The following SACS variants were observed in gnomAD, a reference collection of about 807,000 sequenced individuals.
SACS encodes the protein sacsin.
Under a neutral mutation model 348.0 loss-of-function variants are expected in SACS, and 197 were observed. That is an observed-to-expected ratio of 0.57 (90% CI 0.50 to 0.64). The LOEUF is 0.64. Ranked by LOEUF, SACS falls within the 30% of genes least tolerant of loss-of-function variation. The probability of loss-of-function intolerance (pLI) is 0.00; values close to 1 mark genes in which losing one functional copy is unlikely to be tolerated. For missense variants in SACS, 4,999 were observed against 5,360.8 expected (o/e 0.93, Z 2.11); for synonymous variants, 1,985 against 1,910.6 (o/e 1.04, Z -1.02).
In SACS at chr13:23,355,658, T is replaced by A. The variant is rs147412202; in HGVS notation, c.954A>T (p.Leu318Phe). ...LFLKSVQDVS[L>F]YVREADGTEK... ...CTGTTCCGTCAGCCTCTCGGACATA[T>A]AAGGAAACATCCTGCACACTTTTCA... The change falls in exon 8 of 10, where the codon TTA (leucine) becomes TTT (phenylalanine). Residue 318 changes from leucine to phenylalanine, a missense_variant. Transcript: ENST00000382292. The A allele has an allele frequency of 5.5e-5, 88 of 1,614,182 alleles. 3 individuals are homozygous for A. The highest frequency in any genetic ancestry group is 2.2e-4 in the Admixed American group (13 of 60,018).
rs753140531 is a variant in SACS, at chr13:23,337,102, T to G, written c.6774A>C (p.Gln2258His). The G allele has an allele frequency of 1.2e-6, 2 of 1,614,028 alleles. No individual in the cohort carries two copies. Among genetic ancestry groups the G allele is most frequent in the Non-Finnish European group, 1.7e-6 (2 of 1,179,920 alleles). The stretch of plus-strand genomic sequence containing the variant: ...AATGGGAATTTTCATTTAGAATTGG[T>G]TGCAAAAGACAAACTATATCTTGAT... ...AEHQDIVCLL[Q>H]PILNENSHSF... The change falls in exon 10 of 10, where the codon CAA (glutamine) becomes CAC (histidine). Residue 2258 changes from glutamine to histidine, a missense_variant. Physicochemically the swap from Gln to His is conservative, Grantham distance 24. This residue lies in a region of SACS where 3,156 missense variants were observed against 3,380.1 expected (regional missense o/e 0.93). Coordinates refer to ENST00000382292, the MANE Select transcript of SACS (RefSeq NM_014363.6).
chr13:23,429,463 C>G (rs9580620), intron 1 of SACS, among the ~76,000 whole-genome samples: 9,874 of 145,558 alleles, frequency 0.068, 421 homozygotes, highest in Middle Eastern at 0.14. Context: ...CCCGGGTTCA[C>G]GCCATTCTCC....
At chr13:23,387,404 G>A (rs544232070) in intron 2 of SACS, among the ~76,000 whole-genome samples, 1 of 146,662 alleles carries the variant, frequency 6.8e-6, no homozygotes, top group South Asian at 2.2e-4. Context: ...GGAGCTTGCA[G>A]TGAGCAGAGA....
Position 23,368,411 on chromosome 13 carries a change from C to T in SACS, c.336G>A (p.Gln112=), listed in dbSNP as rs1365075230. The T allele has an allele frequency of 6.2e-7, 1 of 1,610,268 alleles. No individual in the cohort carries two copies. The highest frequency in any genetic ancestry group is 8.5e-7 in the Non-Finnish European group (1 of 1,177,280). ...ACGACATGTGCCCCACCTTAAGAAT[C>T]TGTCCTCCTTCTGGATATCTTCTCA... ...DILRRYPEGG[Q]ILKELIQNAE... Residue 112 remains glutamine, a synonymous_variant, in exon 5 of 10, where the codon CAG becomes CAA. Transcript: ENST00000382292.
chr13:23,412,711 C>T (rs960948534), intron 1 of SACS, among the ~76,000 whole-genome samples: 8 of 152,074 alleles, frequency 5.3e-5, no homozygotes, highest in African/African-American at 1.7e-4. Flanking sequence ...CCACTGCACC[C>T]GACCCAAACC....
rs201622556 is a variant in SACS at position 23,333,084 on chromosome 13, G to T, written c.10792C>A (p.Gln3598Lys). ...TCCTTAGCAAACTGTAACAACTGCT[G>T]CTGAGAAAGTATGTATTTTAGTCCA... ...NIGLKYILSQ[Q>K]QLLQFAKEIS... Residue 3598 changes from glutamine (Q) to lysine (K), a missense_variant, in exon 10 of 10, where the codon CAG becomes AAG. By Grantham distance (53) the Gln-to-Lys change is moderately conservative. Transcript: ENST00000382292. 5.1e-5 allele frequency: 82 copies of T among 1,613,738 alleles called. No homozygotes were observed. Among genetic ancestry groups the T allele is most frequent in the Non-Finnish European group, 1.7e-5 (20 of 1,179,822 alleles).
chr13:23,410,525 A>G (rs1270484732), intron 2 of SACS, among the ~76,000 whole-genome samples: 1 of 152,246 alleles, frequency 6.6e-6, no homozygotes, highest in African/African-American at 2.4e-5. Flanking sequence ...TTAGGTTACA[A>G]GATGTGAAGA....
At position 23,336,081 on chromosome 13, in the gene SACS, C is replaced by G. The variant is rs1868563918; in HGVS notation, c.7795G>C (p.Asp2599His). ...AGATTCTGAATTCCTCTAACATCATCTTCTGTAAATGGCTGGTTGTTGTAC... is the reference window on the plus strand; with the variant it reads ...AGATTCTGAATTCCTCTAACATCATGTTCTGTAAATGGCTGGTTGTTGTAC... ...CVYNNQPFTE[D>H]DVRGIQNLGK... is the part of the protein sequence containing the mutation. The change falls in exon 10 of 10, where the codon GAT becomes CAT. Residue 2599 changes from aspartate to histidine, a missense_variant. Physicochemically the swap from Asp to His is moderately conservative, Grantham distance 81. Coordinates refer to ENST00000382292, the MANE Select transcript of SACS (RefSeq NM_014363.6). The G allele has an allele frequency of 6.2e-7, 1 of 1,611,628 alleles. No homozygotes were observed. Among genetic ancestry groups the G allele is most frequent in the Middle Eastern group, 1.7e-4 (1 of 6,046 alleles).
chr13:23,426,966 G>A (rs1758260067), intron 1 of SACS: 1 of 152,078 alleles, frequency 6.6e-6, no homozygotes, highest in Non-Finnish European at 1.5e-5. Context: ...TTTCTTTTCA[G>A]AAGAGGAACG....
At chr13:23,371,922 T>C (rs1285073432) in intron 3 of SACS, among the ~76,000 whole-genome samples, 1 of 152,226 alleles carries the variant, frequency 6.6e-6, no homozygotes, top group Non-Finnish European at 1.5e-5. Flanking sequence ...TCATCATAAA[T>C]GATCATTCTA....
At chr13:23,350,600 C>G (rs565477950) in intron 9 of SACS, among the ~76,000 whole-genome samples, 1 of 152,306 alleles carries the variant, frequency 6.6e-6, no homozygotes, top group African/African-American at 2.4e-5. Context: ...TGCAGTAGTA[C>G]TTCCAAGACT....
At chr13:23,374,694 A>G (rs1434594118) in intron 3 of SACS, among the ~76,000 whole-genome samples, 1 of 152,226 alleles carries the variant, frequency 6.6e-6, no homozygotes, top group Non-Finnish European at 1.5e-5. Context: ...TTATGTCTAA[A>G]GATTCTTTCA....
At chr13:23,344,803 T>G (rs1400370776) in intron 9 of SACS, among the ~76,000 whole-genome samples, 1 of 152,240 alleles carries the variant, frequency 6.6e-6, no homozygotes, top group African/African-American at 2.4e-5. Flanking sequence ...TAGAAGGAAC[T>G]CTTCCAAGAG....
In SACS at chr13:23,338,511, G is replaced by C; in HGVS notation, c.5365C>G (p.Pro1789Ala). The C allele has an allele frequency of 6.2e-7, 1 of 1,614,064 alleles. No individual in the cohort carries two copies. The highest frequency in any genetic ancestry group is 8.5e-7 in the Non-Finnish European group (1 of 1,179,972). Residue 1789 changes from proline (P) to alanine (A), a missense_variant, in exon 10 of 10, where the codon CCA (proline) becomes GCA (alanine). By Grantham distance (27) the Pro-to-Ala change is conservative. This residue lies in a region of SACS where 3,156 missense variants were observed against 3,380.1 expected (regional missense o/e 0.93). Coordinates refer to ENST00000382292, the MANE Select transcript of SACS (RefSeq NM_014363.6). ...SPLFRGPDDD[P>A]AALFEMAKSG... Reference sequence around the variant, plus strand: ...TTAGCCATTTCAAAGAGAGCAGCTGGGTCATCATCTGGACCTCTAAAAAGT... The same window carrying C: ...TTAGCCATTTCAAAGAGAGCAGCTGCGTCATCATCTGGACCTCTAAAAAGT...
intron 6 of SACS, among the ~76,000 whole-genome samples, chr13:23,363,871 G>A (rs1870900562): frequency 6.6e-6 from 1 of 152,164 alleles, no homozygotes; most frequent in Non-Finnish European, 1.5e-5. Context: ...CAGTACAATG[G>A]GGTAGTACTG....
chr13:23,366,301 G>A (rs1181264910), intron 5 of SACS, among the ~76,000 whole-genome samples: 3 of 152,198 alleles, frequency 2.0e-5, no homozygotes, highest in African/African-American at 7.2e-5. Flanking sequence ...TTCTGAGATT[G>A]TGCTCAGTTC....
chr13:23,390,789 G>C (rs1872501774), intron 2 of SACS, among the ~76,000 whole-genome samples: 1 of 152,188 alleles, frequency 6.6e-6, no homozygotes, highest in African/African-American at 2.4e-5. Flanking sequence ...GCCATCCCTC[G>C]TCGTGTCTAA....
chr13:23,384,636 C>T (rs1045826583), intron 2 of SACS, among the ~76,000 whole-genome samples: 1 of 152,084 alleles, frequency 6.6e-6, no homozygotes, highest in African/African-American at 2.4e-5. Context: ...AGAGATGCAC[C>T]CATTCACTTT....
At chr13:23,394,461 G>A (rs556703894) in intron 2 of SACS, among the ~76,000 whole-genome samples, 2 of 152,298 alleles carry the variant, frequency 1.3e-5, no homozygotes, top group African/African-American at 2.4e-5. Flanking sequence ...CACCCCCATT[G>A]TGTAGCAATA....
Sources: gnomAD v4.1 joint callset for allele counts (sites outside exome capture counted in the v4.1 genomes callset) on GRCh38, gnomAD v4.1.1 for gene constraint, gnomAD v4.1.1 regional missense constraint, MANE v1.5 for transcripts, NCBI Gene and HGNC (gene_info 2026-07-23, HGNC 2026-07-21) for gene names.